Variants in GABBR2 observed in about 807,000 individuals in gnomAD.
GABBR2 encodes the protein gamma-aminobutyric acid type B receptor subunit 2.
Under a neutral mutation model 105.6 loss-of-function variants are expected in GABBR2, and 23 were observed. The ratio of observed to expected loss-of-function variants is 0.22; its 90% CI spans 0.16 to 0.31. GABBR2 has a LOEUF of 0.31. Among genes scored for constraint, GABBR2 ranks in the 10% least tolerant of loss-of-function variants. The pLI, the probability that GABBR2 is intolerant of heterozygous loss-of-function variation, is 1.00. For missense variants in GABBR2, 734 were observed against 1,245.5 expected, an observed-to-expected ratio of 0.59 and a Z score of 6.18; for synonymous variants, 478 against 499.7, an observed-to-expected ratio of 0.96 and a Z score of 0.58.
chr9:98,390,829 GT>G (rs1832167106), intron 9 of GABBR2, among the ~76,000 whole-genome samples: 1 of 152,144 alleles, frequency 6.6e-6, no homozygotes, highest in Non-Finnish European at 1.5e-5. Flanking sequence ...TCACTACTGG[GT>G]TTGGGGCCTA....
At chr9:98,589,104 C>T (rs1390560728) in intron 1 of GABBR2, among the ~76,000 whole-genome samples, 1 of 152,196 alleles carries the variant, frequency 6.6e-6, no homozygotes, top group African/African-American at 2.4e-5. Flanking sequence ...GGAACAAGGG[C>T]TCCTCACTTC....
intron 11 of GABBR2, among the ~76,000 whole-genome samples, chr9:98,382,400 G>T (rs1166003676): frequency 1.3e-5 from 2 of 151,990 alleles, no homozygotes; most frequent in African/African-American, 4.8e-5. Flanking sequence ...TGCAAGCTCC[G>T]CCTCCCAGGT....
At chr9:98,488,858 C>G (rs553253221) in intron 4 of GABBR2, among the ~76,000 whole-genome samples, 1 of 152,184 alleles carries the variant, frequency 6.6e-6, no homozygotes, top group Non-Finnish European at 1.5e-5. Flanking sequence ...GACTGCTGAG[C>G]TAGAATCTCA....
intron 13 of GABBR2, among the ~76,000 whole-genome samples, chr9:98,328,509 A>G (rs763160362): frequency 6.6e-6 from 1 of 152,208 alleles, no homozygotes; most frequent in Admixed American, 6.5e-5. Context: ...CGTTGCAAAC[A>G]AAAAGTACCA....
At chr9:98,324,488 G>A (rs1013161679) in intron 13 of GABBR2, among the ~76,000 whole-genome samples, 2 of 137,864 alleles carry the variant, frequency 1.5e-5, no homozygotes, top group African/African-American at 5.7e-5. Flanking sequence ...AAAGACTACA[G>A]AGCCGACACA....
At chr9:98,327,102 C>A (rs1304736927) in intron 13 of GABBR2, among the ~76,000 whole-genome samples, 2 of 152,222 alleles carry the variant, frequency 1.3e-5, no homozygotes, top group Non-Finnish European at 2.9e-5. Context: ...CTTTCTCATT[C>A]AGATTTTATG....
chr9:98,298,684 T>C (rs1564006809), intron 17 of GABBR2, among the ~76,000 whole-genome samples: 1 of 152,216 alleles, frequency 6.6e-6, no homozygotes, highest in Non-Finnish European at 1.5e-5. Context: ...CTCAAATTCC[T>C]GGACTCAAAG....
chr9:98,373,266 T>C (rs1443235149), intron 11 of GABBR2, among the ~76,000 whole-genome samples: 9 of 152,192 alleles, frequency 5.9e-5, no homozygotes, highest in Admixed American at 5.9e-4. Context: ...CAAGTATTAT[T>C]AGGACAGAGG....
In GABBR2 at chr9:98,354,615, C is replaced by A. The variant is rs534585788; in HGVS notation, c.1893+8100G>T. Among the ~76,000 whole-genome samples the A allele has an allele frequency of 3.9e-5, 6 of 152,302 alleles. No individual in the cohort carries two copies. The South Asian group carries it at 6.2e-4, about 16-fold the overall frequency. On this transcript the variant is annotated intron_variant, in intron 13 of 18. Transcript: ENST00000259455. Reference sequence around the variant, plus strand: ...TTCTTTCCTTTTAAATCTCATGAACCAGCCTCTGTTAGCTTTTAATTTTTC... The same window carrying A: ...TTCTTTCCTTTTAAATCTCATGAACAAGCCTCTGTTAGCTTTTAATTTTTC...
chr9:98,677,538 A>T (rs1278899553), intron 1 of GABBR2, among the ~76,000 whole-genome samples: 1 of 152,140 alleles, frequency 6.6e-6, no homozygotes, highest in Non-Finnish European at 1.5e-5. Flanking sequence ...CTGCCAAAAA[A>T]CTTTTGAGAA....
intron 9 of GABBR2, among the ~76,000 whole-genome samples, chr9:98,393,645 T>A (rs1023454968): frequency 6.6e-6 from 1 of 152,182 alleles, no homozygotes; most frequent in African/African-American, 2.4e-5. Flanking sequence ...CCTAGTAATA[T>A]CAATGTAAAG....
At chr9:98,541,697 G>A (rs1468377144) in intron 3 of GABBR2, among the ~76,000 whole-genome samples, 176 bp downstream of exon 3, 3 of 152,238 alleles carry the variant, frequency 2.0e-5, no homozygotes, top group Non-Finnish European at 2.9e-5. Context: ...TATGCACAGT[G>A]AAATTCCTCA....
At chr9:98,624,525 G>T (rs577670156) in intron 1 of GABBR2, among the ~76,000 whole-genome samples, 1 of 152,212 alleles carries the variant, frequency 6.6e-6, no homozygotes, top group Non-Finnish European at 1.5e-5. Flanking sequence ...TGGGCGGGTG[G>T]TTGTAACAAA....
chr9:98,297,859 T>TA (rs145636576), intron 17 of GABBR2, among the ~76,000 whole-genome samples: 44,019 of 139,118 alleles, frequency 0.32, 8,776 homozygotes, highest in African/African-American at 0.59. Context: ...CTGTCTCTAC[T>TA]AAAAAAAAAA....
intron 2 of GABBR2, chr9:98,552,226 G>A (rs1478183450): frequency 6.6e-6 from 1 of 152,180 alleles, no homozygotes; most frequent in South Asian, 2.1e-4. Context: ...GGGCAGGGGG[G>A]ACCACAGTTG....
chr9:98,663,930 A>C (rs549807285), intron 1 of GABBR2, among the ~76,000 whole-genome samples: 1 of 152,336 alleles, frequency 6.6e-6, no homozygotes, highest in Admixed American at 6.5e-5. Flanking sequence ...TACTGTACCC[A>C]GGGACACAAA....
intron 13 of GABBR2, among the ~76,000 whole-genome samples, chr9:98,342,902 A>T (rs569849344): frequency 6.6e-6 from 1 of 152,346 alleles, no homozygotes; most frequent in African/African-American, 2.4e-5. Context: ...CTTTATGAAG[A>T]TACCAGCTGT....
chr9:98,300,644 T>A (rs1223945146), intron 16 of GABBR2, among the ~76,000 whole-genome samples: 1 of 152,180 alleles, frequency 6.6e-6, no homozygotes, highest in Non-Finnish European at 1.5e-5. Flanking sequence ...AAGAGTCTTT[T>A]GTTATAATGT....
chr9:98,304,557 G>T (rs1343922733), intron 15 of GABBR2, among the ~76,000 whole-genome samples: 1 of 152,202 alleles, frequency 6.6e-6, no homozygotes, highest in Non-Finnish European at 1.5e-5. Context: ...GGCTGGGCAG[G>T]TGTGGACGAC....
Sources: gnomAD v4.1 joint callset for allele counts (sites outside exome capture counted in the v4.1 genomes callset) on GRCh38, gnomAD v4.1.1 for gene constraint, MANE v1.5 for transcripts, NCBI Gene and HGNC (gene_info 2026-07-23, HGNC 2026-07-21) for gene names.